The following ZBTB40 variants were observed in gnomAD, a reference collection of about 807,000 sequenced individuals.
ZBTB40 encodes zinc finger and BTB domain containing 40, also known as zinc finger and BTB domain-containing protein 40.
A neutral mutation model predicts 117.5 loss-of-function variants in ZBTB40; 60 were observed. The observed-to-expected ratio is 0.51, with a 90% CI of 0.41 to 0.63. The LOEUF is 0.63. Among genes scored for constraint, ZBTB40 ranks in the 30% least tolerant of loss-of-function variants. The probability of loss-of-function intolerance (pLI) is 0.00; values close to 1 mark genes in which losing one functional copy is unlikely to be tolerated. For missense variants in ZBTB40, 1,287 were observed against 1,498.5 expected (o/e 0.86, Z 2.33); for synonymous variants, 525 against 577.1 (o/e 0.91, Z 1.29).
chr1:22,446,658 G>A (rs924937344), intron 1 of ZBTB40, among the ~76,000 whole-genome samples: 6 of 151,880 alleles, frequency 4.0e-5, no homozygotes, highest in Admixed American at 1.3e-4. Context: ...AAACTCCACC[G>A]AACTAGAATT....
At chr1:22,500,379 A>G (rs1638896104) in intron 3 of ZBTB40, among the ~76,000 whole-genome samples, 1 of 152,212 alleles carries the variant, frequency 6.6e-6, no homozygotes, top group African/African-American at 2.4e-5. Context: ...GAAATAGTGC[A>G]GGGTTAGAGC....
chr1:22,466,395 A>G (rs887719854), intron 1 of ZBTB40, among the ~76,000 whole-genome samples: 4 of 152,192 alleles, frequency 2.6e-5, no homozygotes, highest in Non-Finnish European at 5.9e-5. Context: ...TCCCAGATAT[A>G]TACTAGGAGT....
At chr1:22,491,646 A>ATTT in intron 3 of ZBTB40, 113 bp downstream of exon 3, 273 of 973,214 alleles carry the variant, frequency 2.8e-4, no homozygotes, top group Non-Finnish European at 3.2e-4. Context: ...TGAAACTTTA[A>ATTT]TTTTTTTTTT....
chr1:22,431,392 A>ATATG lies in ZBTB40; in HGVS notation c.-70+2381_-70+2382insGTAT, dbSNP rs1569728508. On this transcript the variant is annotated intron_variant, in intron 1 of 8. Transcript: ENST00000650433. ...TGTGTGTGTGTGTGTGTGTATATAT[A>ATATG]TATATATATATATATATGTATATAT... Among the ~76,000 whole-genome samples, 14 of 135,054 alleles carry ATATG rather than the reference A, an allele frequency of 1.0e-4. No individual in the cohort carries two copies. The East Asian group carries it at 2.8e-3, about 27-fold the overall frequency. 88.6% of individuals were successfully genotyped at this position (135,054 alleles called of 152,430 possible). A position where few individuals can be genotyped will look rare whatever the true frequency, so the allele number is the denominator to read the frequency against.
chr1:22,517,060 G>A (rs1639391177), intron 12 of ZBTB40, among the ~76,000 whole-genome samples: 1 of 152,148 alleles, frequency 6.6e-6, no homozygotes, highest in South Asian at 2.1e-4. Context: ...TGTGCAGTGA[G>A]AACTCCGTCC....
Position 22,430,526 on chromosome 1 carries a change from G to C in ZBTB40, c.-70+1512G>C, listed in dbSNP as rs186551497. ...GGATTGCTTGAGCCTGGGAGGCCAA[G>C]GCTGCAGCAATCACGGCTCACTGCA... is the stretch of plus-strand genomic sequence containing the variant. On this transcript the variant is annotated intron_variant, in intron 1 of 8. Coordinates refer to the ZBTB40 transcript ENST00000650433. Among the ~76,000 whole-genome samples the C allele has an allele frequency of 7.5e-3, 1,138 of 152,296 alleles. 13 individuals are homozygous for C. The highest frequency in any genetic ancestry group is 0.01 in the Non-Finnish European group (713 of 68,018).
At position 22,522,945 on chromosome 1, in the gene ZBTB40, CT is replaced by C. The variant is rs34232963; in HGVS notation, c.3298+502del. On this transcript the variant is annotated intron_variant, in intron 16 of 17. Transcript: ENST00000375647. ...CCATGCTCGACTAAATAAGATGTAC[CT>C]TTTTTTTTTTTTTTTTTTTGAGATG... Among the ~76,000 whole-genome samples, 775 of 93,890 alleles carry C rather than the reference CT, an allele frequency of 8.3e-3. 5 individuals carry two copies. The highest frequency in any genetic ancestry group is 0.026 in the African/African-American group (677 of 25,902). The allele number at this position is 93,890 out of a possible 152,430, so 61.6% of individuals were successfully genotyped here. A position where few individuals can be genotyped will look rare whatever the true frequency, so the allele number is the denominator to read the frequency against.
chr1:22,480,389 C>G (rs1311523949), intron 1 of ZBTB40, among the ~76,000 whole-genome samples: 1 of 152,184 alleles, frequency 6.6e-6, no homozygotes, highest in African/African-American at 2.4e-5. Context: ...TCTTTGCCTT[C>G]TGTTTCAAAG....
intron 13 of ZBTB40, among the ~76,000 whole-genome samples, chr1:22,518,631 T>C (rs1639438384): frequency 6.6e-6 from 1 of 152,208 alleles, no homozygotes; most frequent in Non-Finnish European, 1.5e-5. Flanking sequence ...CATCCAAGTC[T>C]GTCGTCAGCC....
At chr1:22,468,965 T>A (rs1641334285) in intron 1 of ZBTB40, among the ~76,000 whole-genome samples, 1 of 152,118 alleles carries the variant, frequency 6.6e-6, no homozygotes. Flanking sequence ...CAGCGAGGAC[T>A]ACAGGTGTAC....
intron 1 of ZBTB40, among the ~76,000 whole-genome samples, chr1:22,461,218 G>A (rs10493014): frequency 0.28 from 42,227 of 152,020 alleles, 7,128 homozygotes; most frequent in Non-Finnish European, 0.38. Flanking sequence ...TGCTCATTCA[G>A]TTGGTACTCT....
In ZBTB40 at chr1:22,522,367, C is replaced by T. The variant is rs1320929019; in HGVS notation, c.3212-10C>T. 2 of 1,612,646 alleles carry T rather than the reference C, an allele frequency of 1.2e-6. No individual in the cohort carries two copies. The highest frequency in any genetic ancestry group is 2.2e-5 in the East Asian group (1 of 44,866). The stretch of plus-strand genomic sequence containing the variant: ...CTTTCCCAGCACGTCTTTCTTTATG[C>T]ACTTCACAGATATGAAGTTCCATGA... On this transcript the variant is annotated splice_polypyrimidine_tract_variant and intron_variant, in intron 15 of 17. Transcript: ENST00000375647.
chr1:22,444,589 T>C (rs1177643130), intron 1 of ZBTB40, among the ~76,000 whole-genome samples: 2 of 152,118 alleles, frequency 1.3e-5, no homozygotes. Context: ...CTGGTGTTAA[T>C]AGATGACCTT....
At chr1:22,493,104 G>A (rs1638677104) in intron 3 of ZBTB40, among the ~76,000 whole-genome samples, 1 of 152,102 alleles carries the variant, frequency 6.6e-6, no homozygotes. Context: ...CATGTAACAG[G>A]TGATGAAGAA....
At chr1:22,444,354 A>G (rs1170701501) in intron 1 of ZBTB40, among the ~76,000 whole-genome samples, 1 of 152,168 alleles carries the variant, frequency 6.6e-6, no homozygotes, top group Non-Finnish European at 1.5e-5. Flanking sequence ...CAGGAGTCAG[A>G]GGTTGCAGTG....
At chr1:22,479,992 C>T (rs1638244146) in intron 1 of ZBTB40, among the ~76,000 whole-genome samples, 1 of 152,016 alleles carries the variant, frequency 6.6e-6, no homozygotes, top group East Asian at 1.9e-4. Context: ...CTGCAACCTC[C>T]GTCTCCTGGG....
intron 1 of ZBTB40, among the ~76,000 whole-genome samples, chr1:22,476,235 G>C (rs1267000): frequency 0.71 from 107,559 of 152,076 alleles, 38,967 homozygotes; most frequent in East Asian, 0.9. Flanking sequence ...GATCCTCAAA[G>C]TTTCTTTTGA....
At chr1:22,515,486 G>A (rs539879966) in intron 12 of ZBTB40, among the ~76,000 whole-genome samples, 3 of 152,264 alleles carry the variant, frequency 2.0e-5, no homozygotes, top group South Asian at 2.1e-4. Flanking sequence ...TCAAGCTTTC[G>A]GCAGAGTTCC....
intron 1 of ZBTB40, among the ~76,000 whole-genome samples, chr1:22,453,864 T>G (rs777145872): frequency 7.9e-5 from 12 of 152,254 alleles, no homozygotes; most frequent in South Asian, 2.1e-4. Flanking sequence ...CCTCAGCTGC[T>G]AGCCAGTACC....
Sources: allele counts gnomAD v4.1 joint callset (sites outside exome capture counted in the v4.1 genomes callset), GRCh38; gene constraint gnomAD v4.1.1; transcripts MANE v1.5; gene names NCBI Gene and HGNC (gene_info 2026-07-23, HGNC 2026-07-21).